The following TIMM23 variants were observed in gnomAD, a reference collection of about 807,000 sequenced individuals.
TIMM23 encodes mitochondrial import inner membrane translocase subunit Tim23.
In TIMM23, 19 loss-of-function variants were observed where a neutral mutation model predicts 30.7. The ratio of observed to expected loss-of-function variants is 0.62; its 90% CI spans 0.43 to 0.91. TIMM23 has a LOEUF of 0.91. Among genes scored for constraint, TIMM23 ranks in the 40% least tolerant of loss-of-function variants. The pLI is 0.00. For synonymous variants in TIMM23, 78 were observed against 98.5 expected, an observed-to-expected ratio of 0.79 and a Z score of 1.23; for missense variants, 202 against 269.2, an observed-to-expected ratio of 0.75 and a Z score of 1.75.
chr10:45,992,868 T>C (rs1457546641), intron 6 of TIMM23, among the ~76,000 whole-genome samples: 3 of 152,150 alleles, frequency 2.0e-5, no homozygotes, highest in Non-Finnish European at 2.9e-5. Flanking sequence ...GCCAGATTCT[T>C]TAAAGTGGCT....
chr10:45,995,902 G>A (rs1209570270), intron 6 of TIMM23, among the ~76,000 whole-genome samples: 3 of 145,944 alleles, frequency 2.1e-5, no homozygotes, highest in Non-Finnish European at 4.5e-5. Context: ...AGACTCTTAG[G>A]TCTGTGGAGT....
intron 2 of TIMM23, among the ~76,000 whole-genome samples, chr10:45,978,025 C>T (rs1234963199): frequency 2.0e-5 from 3 of 151,230 alleles, no homozygotes; most frequent in Admixed American, 6.6e-5. Flanking sequence ...GAGTAAGACT[C>T]GGTCTCAAAA....
At chr10:46,000,096 C>T (rs1838481362) in intron 6 of TIMM23, among the ~76,000 whole-genome samples, 1 of 152,142 alleles carries the variant, frequency 6.6e-6, no homozygotes. Flanking sequence ...AACACACATG[C>T]TCTACAATTT....
intron 5 of TIMM23, among the ~76,000 whole-genome samples, chr10:45,986,533 TGAAGAG>T (rs1837995107): frequency 6.6e-6 from 1 of 151,826 alleles, no homozygotes; most frequent in Non-Finnish European, 1.5e-5. Flanking sequence ...TTAAATAAGT[TGAAGAG>T]GAAGATGAGC....
At chr10:45,978,830 G>A (rs1554913536) in intron 2 of TIMM23, among the ~76,000 whole-genome samples, 1 of 152,074 alleles carries the variant, frequency 6.6e-6, no homozygotes, top group Non-Finnish European at 1.5e-5. Context: ...CACATAAGTT[G>A]TAAATGAATG....
intron 6 of TIMM23, chr10:45,992,486 A>G (rs1257737530): frequency 8.8e-6 from 4 of 455,840 alleles, no homozygotes; most frequent in Non-Finnish European, 1.8e-5. Flanking sequence ...ACTCTTTAGA[A>G]GTTTTATAAA....
At chr10:45,977,427 C>G (rs1259365931) in intron 2 of TIMM23, among the ~76,000 whole-genome samples, 2 of 152,204 alleles carry the variant, frequency 1.3e-5, no homozygotes, top group African/African-American at 4.8e-5. Flanking sequence ...TATGCAGTCA[C>G]TTGCTTTTCA....
At chr10:45,997,780 G>C (rs1838391445) in intron 6 of TIMM23, among the ~76,000 whole-genome samples, 1 of 152,132 alleles carries the variant, frequency 6.6e-6, no homozygotes, top group Non-Finnish European at 1.5e-5. Context: ...ACTCCAGCCT[G>C]GGCGACAGAG....
chr10:46,003,348 C>A lies in TIMM23; in HGVS notation c.*30C>A. On this transcript the variant is annotated 3_prime_UTR_variant, in exon 7 of 7. Transcript: ENST00000580018. ...TTTGCCAACTCATGAATGGAGGACA[C>A]TTCAGTAGTCATCTAGATCCTTTTA... 1 of 1,434,660 alleles carries A rather than the reference C, an allele frequency of 7.0e-7. No individual in the cohort carries two copies. The highest frequency in any genetic ancestry group is 9.8e-7 in the Non-Finnish European group (1 of 1,018,048). The allele number at this position is 1,434,660 out of a possible 1,614,324, so 88.9% of individuals were successfully genotyped here. A position where few individuals can be genotyped will look rare whatever the true frequency, so the allele number is the denominator to read the frequency against.
chr10:46,001,839 T>C (rs1369226157), intron 6 of TIMM23, among the ~76,000 whole-genome samples: 2 of 152,238 alleles, frequency 1.3e-5, no homozygotes, highest in Non-Finnish European at 2.9e-5. Flanking sequence ...ATTACGTTTG[T>C]AAGACTAACA....
At chr10:45,987,675 T>G (rs1346231890) in intron 5 of TIMM23, among the ~76,000 whole-genome samples, 12 of 142,414 alleles carry the variant, frequency 8.4e-5, no homozygotes, top group Admixed American at 1.5e-4. Context: ...CATGCTAGAG[T>G]GCAGTGGAGC....
intron 6 of TIMM23, chr10:45,992,466 G>A (rs782111676): frequency 9.2e-5 from 42 of 455,646 alleles, no homozygotes; most frequent in South Asian, 6.0e-4. Flanking sequence ...TAGGAGAATT[G>A]TGAAACTTAA....
intron 6 of TIMM23, among the ~76,000 whole-genome samples, chr10:45,995,040 T>TTCGAGTTATTAAGACA (rs1224986629): frequency 6.6e-6 from 1 of 151,828 alleles, no homozygotes; most frequent in East Asian, 1.9e-4. Context: ...ACAGGAAGTG[T>TTCGAGTTATTAAGACA]GAGTCCATGT....
Position 45,974,161 on chromosome 10 carries a change from GGGTTTTTTTT to G in TIMM23, c.107-1291_107-1282del, listed in dbSNP as rs1337899807. On this transcript the variant is annotated intron_variant, in intron 1 of 6. Coordinates refer to ENST00000580018, the MANE Select transcript of TIMM23 (RefSeq NM_006327.4). The stretch of plus-strand genomic sequence containing the variant: ...GGCAGGACTATAGTGGTTTTTGTGG[GGGTTTTTTTT>G]GTTTTTTTTTGAAAAGAGGACTCTT... Among the ~76,000 whole-genome samples the G allele has an allele frequency of 7.3e-5, 7 of 95,938 alleles. No individual in the cohort carries two copies. The East Asian group carries it at 8.1e-4, about 11-fold the overall frequency. The allele number at this position is 95,938 out of a possible 152,430, so 62.9% of individuals were successfully genotyped here.
intron 2 of TIMM23, among the ~76,000 whole-genome samples, chr10:45,977,648 G>A (rs1415384243): frequency 6.6e-6 from 1 of 152,200 alleles, no homozygotes; most frequent in African/African-American, 2.4e-5. Context: ...GTGATTTCTT[G>A]GATGTGACAC....
At chr10:45,999,214 C>T (rs1838443003) in intron 6 of TIMM23, among the ~76,000 whole-genome samples, 1 of 152,096 alleles carries the variant, frequency 6.6e-6, no homozygotes. Flanking sequence ...GATCTTGGCT[C>T]ACTGCAACCT....
chr10:45,993,459 G>A (rs1838233494), intron 6 of TIMM23, among the ~76,000 whole-genome samples: 1 of 151,814 alleles, frequency 6.6e-6, no homozygotes, highest in Non-Finnish European at 1.5e-5. Context: ...TCTCCATGTT[G>A]GTCAGGCTGA....
intron 2 of TIMM23, among the ~76,000 whole-genome samples, 185 bp downstream of exon 2, chr10:45,975,697 C>T (rs1286946142): frequency 2.0e-5 from 3 of 152,148 alleles, no homozygotes; most frequent in South Asian, 4.1e-4. Context: ...AGTTAACTCC[C>T]TTCAAAAGCT....
Position 45,979,606 on chromosome 10 carries a change from CTTTTTT to C in TIMM23, c.166-2895_166-2890del, listed in dbSNP as rs1171770886. Among the ~76,000 whole-genome samples, 5 of 54,380 alleles carry C rather than the reference CTTTTTT, an allele frequency of 9.2e-5. No individual in the cohort carries two copies. The Admixed American group carries it at 1.2e-3, about 13-fold the overall frequency. The allele number at this position is 54,380 out of a possible 152,430, so 35.7% of individuals were successfully genotyped here. A position where few individuals can be genotyped will look rare whatever the true frequency, so the allele number is the denominator to read the frequency against. On this transcript the variant is annotated intron_variant, in intron 2 of 6. Coordinates refer to ENST00000580018, the MANE Select transcript of TIMM23 (RefSeq NM_006327.4). ...ACAGGCATGAGCCACCATGCCTGGC[CTTTTTT>C]TTTTTTTTTTTTTTTTTTTTTAAGC... is the stretch of plus-strand genomic sequence containing the variant.
Sources: allele counts gnomAD v4.1 joint callset (sites outside exome capture counted in the v4.1 genomes callset), GRCh38; gene constraint gnomAD v4.1.1; transcripts MANE v1.5; gene names NCBI Gene and HGNC (gene_info 2026-07-23, HGNC 2026-07-21).